PCSK5: variants seen among roughly 807,000 people sequenced by gnomAD.
PCSK5 encodes the protein proprotein convertase subtilisin/kexin type 5, also known as prohormone convertase 5.
In PCSK5, 129 loss-of-function variants were observed where a neutral mutation model predicts 233.2. The ratio of observed to expected loss-of-function variants is 0.55; its 90% CI spans 0.48 to 0.64. The LOEUF (loss-of-function observed/expected upper bound fraction) is 0.64, where lower values mean the gene tolerates loss of function less well. PCSK5 is among the 30% of genes least tolerant of loss of function. The pLI, the probability that PCSK5 is intolerant of heterozygous loss-of-function variation, is 0.00. For synonymous variants in PCSK5, 825 were observed against 879.2 expected, an observed-to-expected ratio of 0.94 and a Z score of 1.09; for missense variants, 2,076 against 2,430.1, an observed-to-expected ratio of 0.85 and a Z score of 3.06.
At chr9:76,352,880 A>G (rs1248743885) in intron 36 of PCSK5, among the ~76,000 whole-genome samples, 1 of 98,522 alleles carries the variant, frequency 1.0e-5, no homozygotes, top group Non-Finnish European at 2.3e-5. Context: ...CCATCTCTAC[A>G]AAAAATACAA....
At chr9:76,004,079 T>A (rs1827376573) in intron 3 of PCSK5, among the ~76,000 whole-genome samples, 1 of 152,180 alleles carries the variant, frequency 6.6e-6, no homozygotes, top group Admixed American at 6.5e-5. Flanking sequence ...ATTATAGGCA[T>A]GAAACACCGT....
At chr9:76,161,316 G>T (rs545348929) in intron 12 of PCSK5, among the ~76,000 whole-genome samples, 23 of 152,284 alleles carry the variant, frequency 1.5e-4, no homozygotes, top group South Asian at 1.2e-3. Context: ...CAGGCCGCCT[G>T]CAGGGTAATT....
Position 76,359,180 on chromosome 9 carries a change from G to A in PCSK5, c.*258G>A. The A allele has an allele frequency of 2.2e-6, 1 of 457,966 alleles. No individual in the cohort carries two copies. The highest frequency in any genetic ancestry group is 3.9e-6 in the Non-Finnish European group (1 of 253,850). The allele number at this position is 457,966 out of a possible 1,614,324, so 28.4% of individuals were successfully genotyped here. On this transcript the variant is annotated 3_prime_UTR_variant, in exon 38 of 38. Coordinates refer to ENST00000674117, the MANE Select transcript of PCSK5 (RefSeq NM_001372043.1). ...TCAGAGGCATTTTCCTCAAAATAAT[G>A]TGTTAAGACACAAAAATGAAGGAAG...
intron 14 of PCSK5, 37 bp from the exon 15 acceptor site, chr9:76,179,559 C>T (rs1823756375): frequency 6.7e-7 from 1 of 1,483,470 alleles, no homozygotes; most frequent in Non-Finnish European, 9.4e-7. Context: ...GCTCTAAAAT[C>T]ATTTTTCCAA....
chr9:76,061,568 A>C (rs1035542981), intron 5 of PCSK5, among the ~76,000 whole-genome samples: 6 of 152,186 alleles, frequency 3.9e-5, no homozygotes, highest in African/African-American at 1.4e-4. Context: ...ACGAAGACTA[A>C]TGAAGGATTA....
At chr9:76,281,344 GTAT>G (rs754084719) in intron 24 of PCSK5, among the ~76,000 whole-genome samples, 53 of 152,218 alleles carry the variant, frequency 3.5e-4, no homozygotes, top group Admixed American at 1.2e-3. Flanking sequence ...GTTAAAGCCA[GTAT>G]TCACTTATCA....
intron 24 of PCSK5, among the ~76,000 whole-genome samples, chr9:76,259,578 G>A (rs190025586): frequency 3.3e-5 from 5 of 151,978 alleles, no homozygotes; most frequent in African/African-American, 7.2e-5. Flanking sequence ...TCTGTGTGTC[G>A]TATTTCTTCC....
chr9:76,091,222 C>G (rs1831273522), intron 7 of PCSK5, among the ~76,000 whole-genome samples: 1 of 152,062 alleles, frequency 6.6e-6, no homozygotes. Context: ...GACCACGATG[C>G]TTGTAGAGCT....
intron 17 of PCSK5, among the ~76,000 whole-genome samples, chr9:76,187,190 C>T (rs1587733336): frequency 6.6e-6 from 1 of 152,038 alleles, no homozygotes; most frequent in African/African-American, 2.4e-5. Context: ...ACATACAAAG[C>T]AGTCAATTAA....
intron 1 of PCSK5, among the ~76,000 whole-genome samples, chr9:75,900,532 A>C (rs1034274120): frequency 6.6e-6 from 1 of 151,722 alleles, no homozygotes; most frequent in Non-Finnish European, 1.5e-5. Context: ...TACAAAAATT[A>C]GCCAGGTGTG....
chr9:75,975,164 A>T (rs1370957401), intron 2 of PCSK5, among the ~76,000 whole-genome samples: 1 of 152,060 alleles, frequency 6.6e-6, no homozygotes, highest in Non-Finnish European at 1.5e-5. Flanking sequence ...CTGAACTTAC[A>T]GGCTCAAACC....
intron 3 of PCSK5, among the ~76,000 whole-genome samples, chr9:76,005,498 A>G (rs974395292): frequency 1.3e-5 from 2 of 152,158 alleles, no homozygotes; most frequent in Admixed American, 6.5e-5. Context: ...CTTGGAAATC[A>G]CTATATATTA....
chr9:76,102,381 G>C (rs1273221424), intron 8 of PCSK5, among the ~76,000 whole-genome samples: 2 of 152,090 alleles, frequency 1.3e-5, no homozygotes, highest in East Asian at 1.9e-4. Context: ...CTTGCATACT[G>C]TCTCATTCAT....
In PCSK5 at chr9:76,174,399, C is replaced by G. The variant is rs545203408; in HGVS notation, c.1757-587C>G. ...TCCGCTCTCTGCAACCTCCGCCTCC[C>G]AGGTTCAAGGGATTCTTCTGCCTCA... On this transcript the variant is annotated intron_variant, in intron 13 of 37. Transcript: ENST00000674117. 9.2e-5 allele frequency among the ~76,000 whole-genome samples: 14 copies of G among 152,078 alleles called. No individual in the cohort carries two copies. In the South Asian group the frequency reaches 2.9e-3, roughly 32 times the overall value.
chr9:76,319,089 T>C (rs972224063), intron 30 of PCSK5, among the ~76,000 whole-genome samples: 1 of 152,176 alleles, frequency 6.6e-6, no homozygotes, highest in African/African-American at 2.4e-5. Context: ...GAGTTCCTGA[T>C]GACATGTGCC....
intron 36 of PCSK5, among the ~76,000 whole-genome samples, chr9:76,352,219 G>T (rs1357306448): frequency 6.6e-6 from 1 of 152,116 alleles, no homozygotes; most frequent in East Asian, 1.9e-4. Flanking sequence ...ACCATATAGG[G>T]TAACTTCCTG....
At chr9:76,301,844 GA>G (rs11451258) in intron 27 of PCSK5, among the ~76,000 whole-genome samples, 7 of 149,684 alleles carry the variant, frequency 4.7e-5, no homozygotes, top group South Asian at 4.2e-4. Context: ...ACTCCTCGTG[GA>G]AAAAAAAAAT....
At chr9:75,935,555 TTA>T (rs1298207360) in intron 2 of PCSK5, among the ~76,000 whole-genome samples, 2 of 152,230 alleles carry the variant, frequency 1.3e-5, no homozygotes, top group Non-Finnish European at 2.9e-5. Context: ...TAACTTAATA[TTA>T]TCTAATCTAC....
chr9:76,290,087 A>G (rs1382482262), intron 24 of PCSK5, among the ~76,000 whole-genome samples: 1 of 152,266 alleles, frequency 6.6e-6, no homozygotes, highest in Admixed American at 6.5e-5. Context: ...CAAAACTGTT[A>G]GAGTCAAATA....
Sources: gnomAD v4.1 joint callset for allele counts (sites outside exome capture counted in the v4.1 genomes callset) on GRCh38, gnomAD v4.1.1 for gene constraint, MANE v1.5 for transcripts, NCBI Gene and HGNC (gene_info 2026-07-23, HGNC 2026-07-21) for gene names.